INPP4B: variants seen among roughly 807,000 people sequenced by gnomAD.
INPP4B encodes inositol polyphosphate-4-phosphatase type II B, also known as inositol polyphosphate 4-phosphatase type II.
In INPP4B, 55 loss-of-function variants were observed where a neutral mutation model predicts 122.5. That is an observed-to-expected ratio of 0.45 (90% CI 0.36 to 0.56). INPP4B has a LOEUF of 0.56. Among genes scored for constraint, INPP4B ranks in the 20% least tolerant of loss-of-function variants. The probability of loss-of-function intolerance (pLI) is 0.00; values close to 1 mark genes in which losing one functional copy is unlikely to be tolerated. For missense variants in INPP4B, 1,000 were observed against 1,097.7 expected, an observed-to-expected ratio of 0.91 and a Z score of 1.26; for synonymous variants, 403 against 388.7, an observed-to-expected ratio of 1.04 and a Z score of -0.43.
intron 24 of INPP4B, among the ~76,000 whole-genome samples, chr4:142,083,219 G>A (rs77174717): frequency 0.012 from 1,883 of 152,262 alleles, 40 homozygotes; most frequent in African/African-American, 0.042. Flanking sequence ...GTTTAGATGG[G>A]TTAAGTAACT....
intron 9 of INPP4B, among the ~76,000 whole-genome samples, chr4:142,295,849 C>CA (rs1758472925): frequency 6.6e-6 from 1 of 150,976 alleles, no homozygotes; most frequent in African/African-American, 2.4e-5. Flanking sequence ...TTTTACAAAA[C>CA]AACACTGGAA....
At chr4:142,123,205 T>G in intron 20 of INPP4B, 87 bp downstream of exon 20, 1 of 1,144,350 alleles carries the variant, frequency 8.7e-7, no homozygotes, top group Non-Finnish European at 1.2e-6. Context: ...AAGGTTTACT[T>G]ATTTTTATGT....
chr4:142,253,113 G>A (rs1046910335), intron 11 of INPP4B, among the ~76,000 whole-genome samples: 3 of 152,202 alleles, frequency 2.0e-5, no homozygotes, highest in Admixed American at 2.0e-4. Context: ...CATAGAAAAG[G>A]TACAGTAAAA....
intron 22 of INPP4B, among the ~76,000 whole-genome samples, chr4:142,108,599 G>A (rs1788382586): frequency 6.6e-6 from 1 of 152,086 alleles, no homozygotes; most frequent in Non-Finnish European, 1.5e-5. Flanking sequence ...TGAGGGAGGG[G>A]ACCAGAAGAC....
chr4:142,649,885 G>A (rs1037608544), intron 2 of INPP4B, among the ~76,000 whole-genome samples: 8 of 152,084 alleles, frequency 5.3e-5, no homozygotes, highest in Non-Finnish European at 7.4e-5. Context: ...GATACTCCTC[G>A]AGGAGAGCAA....
intron 2 of INPP4B, among the ~76,000 whole-genome samples, chr4:142,543,597 T>TA (rs981323836): frequency 1.3e-5 from 2 of 152,128 alleles, no homozygotes; most frequent in African/African-American, 4.8e-5. Context: ...AGTCAGCATT[T>TA]AAAAAAATCC....
At chr4:142,188,209 C>T (rs1194745199) in intron 15 of INPP4B, among the ~76,000 whole-genome samples, 3 of 151,648 alleles carry the variant, frequency 2.0e-5, no homozygotes, top group South Asian at 2.1e-4. Flanking sequence ...ATGGCTTGGT[C>T]GGGCACATTG....
intron 1 of INPP4B, among the ~76,000 whole-genome samples, chr4:142,740,311 CA>C (rs1268892198): frequency 6.6e-6 from 1 of 151,850 alleles, no homozygotes; most frequent in Non-Finnish European, 1.5e-5. Flanking sequence ...AAAAAGGAAA[CA>C]AAAATAAAAA....
chr4:142,363,820 G>T (rs1423109348), intron 7 of INPP4B, among the ~76,000 whole-genome samples: 2 of 152,038 alleles, frequency 1.3e-5, no homozygotes, highest in Non-Finnish European at 2.9e-5. Flanking sequence ...CAACATCCAT[G>T]AAAGATAAGT....
At chr4:142,324,548 A>G (rs1465049649) in intron 7 of INPP4B, among the ~76,000 whole-genome samples, 1 of 152,196 alleles carries the variant, frequency 6.6e-6, no homozygotes, top group African/African-American at 2.4e-5. Context: ...ACTATGCATG[A>G]AAACCCAAAT....
intron 25 of INPP4B, among the ~76,000 whole-genome samples, chr4:142,046,306 C>A (rs1411418766): frequency 6.6e-6 from 1 of 152,052 alleles, no homozygotes; most frequent in Non-Finnish European, 1.5e-5. Context: ...ATGCTTTAGA[C>A]CTTTGTTAAA....
Position 142,223,571 on chromosome 4 carries a change from C to T in INPP4B, c.836+14293G>A, listed in dbSNP as rs775699241. 1.4e-4 allele frequency among the ~76,000 whole-genome samples: 22 copies of T among 152,162 alleles called. No individual in the cohort carries two copies. The South Asian group carries it at 1.9e-3, about 13-fold the overall frequency. On this transcript the variant is annotated intron_variant, in intron 12 of 25. Transcript: ENST00000262992. ...AATATCCAAATAGGAGAATAAAACACGTATTTCTATCACCAGCTTGGTGAC... is the reference window on the plus strand; with the variant it reads ...AATATCCAAATAGGAGAATAAAACATGTATTTCTATCACCAGCTTGGTGAC...
intron 1 of INPP4B, among the ~76,000 whole-genome samples, chr4:142,746,917 C>A (rs557918730): frequency 5.3e-4 from 81 of 152,184 alleles, no homozygotes; most frequent in Non-Finnish European, 9.9e-4. Flanking sequence ...ACCATAAAAA[C>A]CCTAGAAGAA....
chr4:142,503,830 A>T (rs1056115705), intron 2 of INPP4B, among the ~76,000 whole-genome samples: 1 of 152,146 alleles, frequency 6.6e-6, no homozygotes, highest in Non-Finnish European at 1.5e-5. Context: ...CTAGAAATAG[A>T]TCTTGCTATA....
chr4:142,027,077 T>G lies in INPP4B; in HGVS notation c.*1705A>C, dbSNP rs1012061689. The G allele has an allele frequency of 6.6e-6, 1 of 152,114 alleles. No individual in the cohort carries two copies. Among genetic ancestry groups the G allele is most frequent in the African/African-American group, 2.4e-5 (1 of 41,436 alleles). 9.4% of individuals were successfully genotyped at this position (152,114 alleles called of 1,614,324 possible). ...TTAATCACTAAAATAAAGAATGAGT[T>G]AAGAGAACATCAAGGTAATTTTGTC... On this transcript the variant is annotated 3_prime_UTR_variant, in exon 26 of 26. Coordinates refer to ENST00000262992, the MANE Select transcript of INPP4B (RefSeq NM_001101669.3).
chr4:142,637,290 T>C (rs1172602171), intron 2 of INPP4B, among the ~76,000 whole-genome samples: 1 of 152,182 alleles, frequency 6.6e-6, no homozygotes, highest in Non-Finnish European at 1.5e-5. Flanking sequence ...TACACCATTG[T>C]AGTACAGTAC....
chr4:142,461,391 C>T (rs370624582), intron 3 of INPP4B, among the ~76,000 whole-genome samples: 4 of 152,206 alleles, frequency 2.6e-5, no homozygotes, highest in Admixed American at 6.5e-5. Context: ...AGTTTTTCTC[C>T]GTTTAAGAAA....
intron 2 of INPP4B, among the ~76,000 whole-genome samples, chr4:142,481,930 T>C (rs967193661): frequency 1.3e-5 from 2 of 152,182 alleles, no homozygotes; most frequent in Non-Finnish European, 2.9e-5. Flanking sequence ...GGCTAATTTA[T>C]TGGACAATGC....
At chr4:142,781,302 C>T (rs921150180) in intron 1 of INPP4B, among the ~76,000 whole-genome samples, 4 of 152,206 alleles carry the variant, frequency 2.6e-5, no homozygotes, top group African/African-American at 9.6e-5. Flanking sequence ...GTTTCCTCTG[C>T]TGATGAGTCA....
Sources: gnomAD v4.1 joint callset for allele counts (sites outside exome capture counted in the v4.1 genomes callset) on GRCh38, gnomAD v4.1.1 for gene constraint, MANE v1.5 for transcripts, NCBI Gene and HGNC (gene_info 2026-07-23, HGNC 2026-07-21) for gene names.